ARID1B: variants seen among roughly 807,000 people sequenced by gnomAD.
The protein encoded by ARID1B is AT-rich interactive domain-containing protein 1B.
Under a neutral mutation model 212.3 loss-of-function variants are expected in ARID1B, and 30 were observed. The observed-to-expected ratio is 0.14, with a 90% CI of 0.11 to 0.19. The LOEUF (loss-of-function observed/expected upper bound fraction) is 0.19, where lower values mean the gene tolerates loss of function less well. Among genes scored for constraint, ARID1B ranks in the 10% least tolerant of loss-of-function variants. The probability of loss-of-function intolerance (pLI) is 1.00; values close to 1 mark genes in which losing one functional copy is unlikely to be tolerated. For missense variants in ARID1B, 2,891 were observed against 3,204.0 expected (o/e 0.90, Z 2.36); for synonymous variants, 1,402 against 1,301.7 (o/e 1.08, Z -1.66).
chr6:157,085,204 C>T (rs962827711), intron 5 of ARID1B, among the ~76,000 whole-genome samples: 2 of 152,146 alleles, frequency 1.3e-5, no homozygotes, highest in African/African-American at 2.4e-5. Flanking sequence ...TGTAATGATT[C>T]TGTTACATCA....
rs376081633 is a variant in ARID1B at position 157,196,540 on chromosome 6, G to T, written c.4382+225G>T. On this transcript the variant is annotated intron_variant, in intron 16 of 19. Coordinates refer to ENST00000636930, the MANE Select transcript of ARID1B (RefSeq NM_001374828.1). The stretch of plus-strand genomic sequence containing the variant: ...GGGAGAAGGACCTTGGCCTTGGTAG[G>T]AGTCTTCTTCCCGAAGTCAAGAGCC... Among the ~76,000 whole-genome samples the T allele has an allele frequency of 5.8e-4, 88 of 152,258 alleles. 1 individual carries two copies. The South Asian group carries it at 0.013, about 22-fold the overall frequency.
At chr6:156,879,381 G>C (rs188247761) in intron 2 of ARID1B, among the ~76,000 whole-genome samples, 10 of 152,212 alleles carry the variant, frequency 6.6e-5, no homozygotes, top group Non-Finnish European at 1.3e-4. Context: ...AACTGTATCT[G>C]TTCATTAGAC....
chr6:156,876,738 G>A (rs913972), intron 2 of ARID1B, among the ~76,000 whole-genome samples: 1,835 of 152,268 alleles, frequency 0.012, 36 homozygotes, highest in African/African-American at 0.041. Flanking sequence ...CACTGGCGTG[G>A]GCAGTTGCTT....
At chr6:157,086,241 T>C (rs1784959434) in intron 5 of ARID1B, among the ~76,000 whole-genome samples, 1 of 152,248 alleles carries the variant, frequency 6.6e-6, no homozygotes, top group African/African-American at 2.4e-5. Context: ...AAGATTCATC[T>C]GTAATTTGAT....
chr6:156,873,019 AACTGTCGG>A (rs1421477993), intron 2 of ARID1B, among the ~76,000 whole-genome samples: 3 of 151,440 alleles, frequency 2.0e-5, no homozygotes, highest in Non-Finnish European at 4.4e-5. Context: ...TTCTTACCAG[AACTGTCGG>A]ACAGCGAGGC....
intron 2 of ARID1B, among the ~76,000 whole-genome samples, chr6:156,855,853 G>T (rs138767338): frequency 1.1e-4 from 16 of 152,316 alleles, no homozygotes; most frequent in Admixed American, 2.6e-4. Flanking sequence ...ACTCTTAGAG[G>T]ATCCTCAGGG....
chr6:156,798,241 C>G lies in ARID1B; in HGVS notation c.1791+18770C>G, dbSNP rs183117513. On this transcript the variant is annotated intron_variant, in intron 1 of 19. Transcript: ENST00000636930. ...GCTCCCTCCTGGGGCCCCTGCATGT[C>G]CACCCATCCTTCCTCCTCTCCGGTG... 2.4e-3 allele frequency among the ~76,000 whole-genome samples: 365 copies of G among 152,320 alleles called. 2 individuals are homozygous for G. Among genetic ancestry groups the G allele is most frequent in the African/African-American group, 7.9e-3 (329 of 41,570 alleles).
At chr6:157,140,895 C>T (rs970562438) in intron 7 of ARID1B, 11 of 383,842 alleles carry the variant, frequency 2.9e-5, no homozygotes, top group Non-Finnish European at 4.1e-5. Context: ...TCATCACTCT[C>T]GTCACCTCAT....
intron 6 of ARID1B, among the ~76,000 whole-genome samples, chr6:157,132,698 C>T (rs1185788503): frequency 3.3e-5 from 5 of 152,184 alleles, no homozygotes; most frequent in Admixed American, 6.5e-5. Flanking sequence ...GTACAGCAGT[C>T]GGTCACTGTT....
intron 6 of ARID1B, among the ~76,000 whole-genome samples, chr6:157,120,813 T>C (rs1440149066): frequency 6.6e-6 from 1 of 152,256 alleles, no homozygotes; most frequent in African/African-American, 2.4e-5. Flanking sequence ...TTCTGTTGCC[T>C]TGGACGTCTT....
At chr6:156,947,829 A>G (rs1470417193) in intron 4 of ARID1B, among the ~76,000 whole-genome samples, 2 of 152,236 alleles carry the variant, frequency 1.3e-5, no homozygotes, top group Non-Finnish European at 2.9e-5. Flanking sequence ...ACAGTTGCCA[A>G]GGGCAATTAA....
chr6:156,849,770 C>T lies in ARID1B; in HGVS notation c.1986+20349C>T, dbSNP rs539577782. On this transcript the variant is annotated intron_variant, in intron 2 of 19. Transcript: ENST00000636930. ...TTTTGTTTTTAAAGCCCTTAAGGACCGTAGTTGGTAAGCCAATTGTCACAG... is the reference window on the plus strand; with the variant it reads ...TTTTGTTTTTAAAGCCCTTAAGGACTGTAGTTGGTAAGCCAATTGTCACAG... Among the ~76,000 whole-genome samples, 19 of 151,958 alleles carry T rather than the reference C, an allele frequency of 1.3e-4. No homozygotes were observed. The South Asian group carries it at 3.3e-3, about 27-fold the overall frequency.
intron 2 of ARID1B, among the ~76,000 whole-genome samples, chr6:156,860,824 T>C (rs1009358460): frequency 6.6e-6 from 1 of 152,228 alleles, no homozygotes; most frequent in Non-Finnish European, 1.5e-5. Context: ...TTCTTTTTTT[T>C]CCCCCTCTAC....
At chr6:156,960,135 A>G (rs1169958386) in intron 4 of ARID1B, among the ~76,000 whole-genome samples, 1 of 151,914 alleles carries the variant, frequency 6.6e-6, no homozygotes, top group Non-Finnish European at 1.5e-5. Context: ...TTCACCGTGT[A>G]GGTCAGGCTG....
intron 2 of ARID1B, among the ~76,000 whole-genome samples, chr6:156,855,359 C>T (rs1324137825): frequency 6.6e-6 from 1 of 152,184 alleles, no homozygotes; most frequent in Non-Finnish European, 1.5e-5. Flanking sequence ...ATATTGTGTG[C>T]AAGTGTACCT....
chr6:156,903,487 A>G (rs1027046092), intron 3 of ARID1B, among the ~76,000 whole-genome samples: 4 of 152,218 alleles, frequency 2.6e-5, no homozygotes, highest in African/African-American at 9.6e-5. Flanking sequence ...AGAGAGGTGA[A>G]AGTTGGAGAC....
At chr6:156,976,758 A>G in intron 4 of ARID1B, 1 of 523,810 alleles carries the variant, frequency 1.9e-6, no homozygotes, top group Non-Finnish European at 3.8e-6. Flanking sequence ...CCGCAGCTTC[A>G]TTCATCAAAG....
At chr6:157,142,993 A>G (rs1789483846) in intron 7 of ARID1B, among the ~76,000 whole-genome samples, 1 of 152,238 alleles carries the variant, frequency 6.6e-6, no homozygotes, top group South Asian at 2.1e-4. Flanking sequence ...GCAACTATCA[A>G]CTTTAAATAT....
rs150516641 is a variant in ARID1B, at chr6:157,200,764, C to T, written c.4539C>T (p.Asp1513=). ...YGPPAKRHEG[D]MYNMQYSSQQ... Reference sequence around the variant, plus strand: ...CCCCAGCCAAGCGCCACGAGGGCGACATGTACAACATGCAGTACAGCAGCC... The same window carrying T: ...CCCCAGCCAAGCGCCACGAGGGCGATATGTACAACATGCAGTACAGCAGCC... The change falls in exon 18 of 20, where the codon GAC becomes GAT. Residue 1513 remains aspartate, a synonymous_variant. Coordinates refer to ENST00000636930, the MANE Select transcript of ARID1B (RefSeq NM_001374828.1). This position sits in a 1 kb window ranked among gnomAD's most constrained non-coding sequence, Gnocchi z 4.3. 5.6e-6 allele frequency: 9 copies of T among 1,613,972 alleles called. No individual in the cohort carries two copies. The highest frequency in any genetic ancestry group is 7.6e-6 in the Non-Finnish European group (9 of 1,179,982).
Sources: allele counts gnomAD v4.1 joint callset (sites outside exome capture counted in the v4.1 genomes callset), GRCh38; gene constraint gnomAD v4.1.1; non-coding constraint Gnocchi (gnomAD v3.1); transcripts MANE v1.5; gene names NCBI Gene and HGNC (gene_info 2026-07-23, HGNC 2026-07-21).